STXBP5L: variants seen among roughly 807,000 people sequenced by gnomAD.
STXBP5L encodes syntaxin binding protein 5L, also known as syntaxin-binding protein 5-like.
STXBP5L carries 65 observed loss-of-function variants against 144.5 expected under a neutral mutation model. The ratio of observed to expected loss-of-function variants is 0.45; its 90% CI spans 0.37 to 0.55. The LOEUF (loss-of-function observed/expected upper bound fraction) is 0.55. STXBP5L is among the 20% of genes least tolerant of loss of function. STXBP5L has a pLI of 0.00. For synonymous variants in STXBP5L, 505 were observed against 469.6 expected (o/e 1.08, Z -0.97); for missense variants, 1,298 against 1,405.5 (o/e 0.92, Z 1.22).
chr3:121,276,459 A>AT (rs1179641979), intron 18 of STXBP5L, among the ~76,000 whole-genome samples: 1 of 151,934 alleles, frequency 6.6e-6, no homozygotes, highest in Non-Finnish European at 1.5e-5. Context: ...TCTTCATTAT[A>AT]TAGTGGAGAT....
At chr3:121,015,353 T>C (rs1576666690) in intron 3 of STXBP5L, among the ~76,000 whole-genome samples, 1 of 152,132 alleles carries the variant, frequency 6.6e-6, no homozygotes. Flanking sequence ...TGTTGATCAG[T>C]CTTAAAATTA....
chr3:121,001,452 C>T (rs1345960978), intron 3 of STXBP5L, among the ~76,000 whole-genome samples: 1 of 152,192 alleles, frequency 6.6e-6, no homozygotes, highest in East Asian at 1.9e-4. Flanking sequence ...ACCTAAGCCA[C>T]CTGGAACAGT....
At chr3:121,339,692 A>G (rs527577017) in intron 20 of STXBP5L, among the ~76,000 whole-genome samples, 2 of 152,300 alleles carry the variant, frequency 1.3e-5, no homozygotes, top group East Asian at 3.9e-4. Flanking sequence ...CCTAGATTTG[A>G]GAAATGAATT....
At chr3:121,366,137 A>G (rs1427209090) in intron 20 of STXBP5L, among the ~76,000 whole-genome samples, 2 of 151,946 alleles carry the variant, frequency 1.3e-5, no homozygotes, top group Non-Finnish European at 2.9e-5. Flanking sequence ...TTTGTATGGC[A>G]TCTATCTTTT....
At chr3:121,016,385 T>G (rs886867270) in intron 3 of STXBP5L, among the ~76,000 whole-genome samples, 1 of 152,200 alleles carries the variant, frequency 6.6e-6, no homozygotes, top group African/African-American at 2.4e-5. Flanking sequence ...ACATGGAAGA[T>G]GACTAATGAA....
Position 121,093,232 on chromosome 3 carries a change from T to A in STXBP5L, c.471-21693T>A, listed in dbSNP as rs2042917784. On this transcript the variant is annotated intron_variant, in intron 5 of 26. Transcript: ENST00000471454. ...CATCAAGGACATTGGTCTAAAATTC[T>A]CTTTTTTGGTTTTGTCTCTGCCCGG... is the stretch of plus-strand genomic sequence containing the variant. 3.3e-5 allele frequency among the ~76,000 whole-genome samples: 5 copies of A among 152,244 alleles called. No homozygotes were observed. The South Asian group carries it at 1.0e-3, about 32-fold the overall frequency.
At chr3:121,055,523 T>C (rs1948393954) in intron 5 of STXBP5L, among the ~76,000 whole-genome samples, 1 of 152,114 alleles carries the variant, frequency 6.6e-6, no homozygotes, top group South Asian at 2.1e-4. Context: ...TGGAGTATTA[T>C]TATTGGAGAC....
intron 3 of STXBP5L, among the ~76,000 whole-genome samples, chr3:120,989,660 C>T (rs975317123): frequency 3.3e-5 from 5 of 152,092 alleles, no homozygotes; most frequent in Admixed American, 6.6e-5. Flanking sequence ...TTCTCTTTCC[C>T]GCTCTACTAG....
chr3:121,179,049 T>A (rs1226464464), intron 9 of STXBP5L, among the ~76,000 whole-genome samples: 1 of 152,102 alleles, frequency 6.6e-6, no homozygotes. Flanking sequence ...GCCTGAAAGC[T>A]GTGCTTGCTT....
At chr3:121,109,504 C>T (rs1308393435) in intron 5 of STXBP5L, among the ~76,000 whole-genome samples, 1 of 152,022 alleles carries the variant, frequency 6.6e-6, no homozygotes, top group Non-Finnish European at 1.5e-5. Flanking sequence ...AGGAGCATGT[C>T]GTTGCATTTC....
chr3:121,104,061 TGTGAA>T (rs1559750109), intron 5 of STXBP5L, among the ~76,000 whole-genome samples: 1 of 152,222 alleles, frequency 6.6e-6, no homozygotes, highest in Non-Finnish European at 1.5e-5. Flanking sequence ...ACATAGTATC[TGTGAA>T]GTGTTTATTA....
At position 121,090,930 on chromosome 3, in the gene STXBP5L, CCCCCCA is replaced by C; in HGVS notation, c.471-23990_471-23985del. Among the ~76,000 whole-genome samples, 7 of 88,940 alleles carry C rather than the reference CCCCCCA, an allele frequency of 7.9e-5. No individual in the cohort carries two copies. In the Admixed American group the frequency reaches 1.3e-3, roughly 17 times the overall value. The allele number at this position is 88,940 out of a possible 152,430, so 58.3% of individuals were successfully genotyped here. On this transcript the variant is annotated intron_variant, in intron 5 of 26. Coordinates refer to ENST00000471454, the MANE Select transcript of STXBP5L (RefSeq NM_001308330.2). ...TCTCCCAGTGCTATCCCTCCCCCCT[CCCCCCA>C]CCCCACAACAGTCCCCAGAATGTGA...
rs181628563 is a variant in STXBP5L, at chr3:121,036,248, G to C, written c.288-5452G>C. 2.0e-5 allele frequency among the ~76,000 whole-genome samples: 3 copies of C among 152,114 alleles called. No individual in the cohort carries two copies. The East Asian group carries it at 5.8e-4, about 29-fold the overall frequency. On this transcript the variant is annotated intron_variant, in intron 3 of 26. Transcript: ENST00000471454. ...CTTGGGAAGCTGAGGCAGGAGAATC[G>C]CTTGAACCCAGGAGGCAGAGGTTGC... is the stretch of plus-strand genomic sequence containing the variant.
intron 22 of STXBP5L, among the ~76,000 whole-genome samples, chr3:121,394,007 T>G (rs2046661731): frequency 6.6e-6 from 1 of 152,220 alleles, no homozygotes; most frequent in South Asian, 2.1e-4. Context: ...ATCTGTAGAT[T>G]GTTTTGGGCA....
In STXBP5L at chr3:120,985,499, C is replaced by CTG. The variant is rs1157912885; in HGVS notation, c.287+30466_287+30467dup. Among the ~76,000 whole-genome samples, 3 of 152,014 alleles carry CTG rather than the reference C, an allele frequency of 2.0e-5. No individual in the cohort carries two copies. In the East Asian group the frequency reaches 5.8e-4, roughly 29 times the overall value. The stretch of plus-strand genomic sequence containing the variant: ...ACTATTATCAACTATAGTCACCATG[C>CTG]TGTGTAATAGATCTCTAAAACTAAT... On this transcript the variant is annotated intron_variant, in intron 3 of 26. Coordinates refer to ENST00000471454, the MANE Select transcript of STXBP5L (RefSeq NM_001308330.2).
At chr3:121,056,964 A>T (rs1049153532) in intron 5 of STXBP5L, among the ~76,000 whole-genome samples, 5 of 150,550 alleles carry the variant, frequency 3.3e-5, no homozygotes, top group African/African-American at 1.2e-4. Flanking sequence ...AAGAGGGAAA[A>T]AAGCGAGACA....
intron 3 of STXBP5L, among the ~76,000 whole-genome samples, chr3:120,963,891 C>T (rs1939207534): frequency 6.6e-6 from 1 of 152,132 alleles, no homozygotes; most frequent in South Asian, 2.1e-4. Context: ...TGCTTTGAAT[C>T]CGTCTGGTCC....
chr3:121,082,131 G>C (rs2042275485), intron 5 of STXBP5L, among the ~76,000 whole-genome samples: 1 of 151,812 alleles, frequency 6.6e-6, no homozygotes, highest in Non-Finnish European at 1.5e-5. Flanking sequence ...TTTAGAATAA[G>C]TTTTTTTACT....
In STXBP5L at chr3:121,069,468, T is replaced by A. The variant is rs1426910238; in HGVS notation, c.470+23933T>A. Among the ~76,000 whole-genome samples the A allele has an allele frequency of 3.9e-5, 6 of 152,310 alleles. No individual in the cohort carries two copies. The East Asian group carries it at 1.2e-3, about 29-fold the overall frequency. ...TGCTATGATCATTTGTGTGCAAGTA[T>A]GTTTGTGAACATAAGTTTTCGTCTC... On this transcript the variant is annotated intron_variant, in intron 5 of 26. Coordinates refer to ENST00000471454, the MANE Select transcript of STXBP5L (RefSeq NM_001308330.2).
Sources: allele counts gnomAD v4.1 joint callset (sites outside exome capture counted in the v4.1 genomes callset), GRCh38; gene constraint gnomAD v4.1.1; transcripts MANE v1.5; gene names NCBI Gene and HGNC (gene_info 2026-07-23, HGNC 2026-07-21).